AK5: variants seen among roughly 807,000 people sequenced by gnomAD.
The protein encoded by AK5 is adenylate kinase isoenzyme 5.
AK5 carries 27 observed loss-of-function variants against 69.5 expected under a neutral mutation model. That is an observed-to-expected ratio of 0.39 (90% CI 0.29 to 0.54). The LOEUF is 0.54. Among genes scored for constraint, AK5 ranks in the 20% least tolerant of loss-of-function variants. The pLI is 0.71. For synonymous variants in AK5, 260 were observed against 244.4 expected, an observed-to-expected ratio of 1.06 and a Z score of -0.60; for missense variants, 531 against 700.4, an observed-to-expected ratio of 0.76 and a Z score of 2.73.
At chr1:77,520,788 G>A (rs1236938067) in intron 11 of AK5, among the ~76,000 whole-genome samples, 1 of 152,166 alleles carries the variant, frequency 6.6e-6, no homozygotes, top group Non-Finnish European at 1.5e-5. Flanking sequence ...TCTATGGTCT[G>A]TCTTCTTCAT....
intron 6 of AK5, among the ~76,000 whole-genome samples, chr1:77,365,432 A>G (rs1646933839): frequency 6.6e-6 from 1 of 152,202 alleles, no homozygotes; most frequent in Admixed American, 6.5e-5. Context: ...ACTTTGTTTC[A>G]TCTTGAAGGA....
intron 6 of AK5, among the ~76,000 whole-genome samples, chr1:77,383,827 A>T (rs952972486): frequency 3.9e-5 from 6 of 152,172 alleles, no homozygotes; most frequent in African/African-American, 9.6e-5. Context: ...AAGAAAAATA[A>T]GCCACAATGA....
At chr1:77,554,924 T>A (rs1025370507) in intron 13 of AK5, among the ~76,000 whole-genome samples, 21 of 152,156 alleles carry the variant, frequency 1.4e-4, no homozygotes, top group African/African-American at 4.6e-4. Context: ...CCTCTGCGGT[T>A]ATTTTTGATG....
chr1:77,302,228 C>T (rs185897742), intron 5 of AK5, among the ~76,000 whole-genome samples: 1 of 152,130 alleles, frequency 6.6e-6, no homozygotes, highest in Admixed American at 6.5e-5. Context: ...AAAAAAAATG[C>T]CTTTTTTTGG....
At chr1:77,377,848 A>G (rs1395627493) in intron 6 of AK5, among the ~76,000 whole-genome samples, 1 of 152,132 alleles carries the variant, frequency 6.6e-6, no homozygotes, top group Non-Finnish European at 1.5e-5. Context: ...GCATCCCAGT[A>G]TACCTTTGCA....
intron 5 of AK5, among the ~76,000 whole-genome samples, chr1:77,300,113 A>T (rs1185065715): frequency 6.6e-6 from 1 of 152,110 alleles, no homozygotes; most frequent in African/African-American, 2.4e-5. Context: ...TACTCATGTG[A>T]CTTGCAGTAG....
intron 3 of AK5, among the ~76,000 whole-genome samples, chr1:77,296,199 T>C (rs1658993801): frequency 6.6e-6 from 1 of 152,256 alleles, no homozygotes; most frequent in South Asian, 2.1e-4. Context: ...GATGCCCACA[T>C]GGTTTCTCTT....
chr1:77,531,435 T>G (rs377131503), intron 12 of AK5, among the ~76,000 whole-genome samples: 1 of 152,270 alleles, frequency 6.6e-6, no homozygotes, highest in South Asian at 2.1e-4. Flanking sequence ...TTACAATCCC[T>G]GAGCTAGACA....
At chr1:77,513,548 A>C (rs1193149903) in intron 10 of AK5, among the ~76,000 whole-genome samples, 1 of 152,256 alleles carries the variant, frequency 6.6e-6, no homozygotes, top group Non-Finnish European at 1.5e-5. Context: ...TGTCAACAAA[A>C]GTCATTTTAG....
intron 8 of AK5, among the ~76,000 whole-genome samples, chr1:77,441,982 C>A (rs891289744): frequency 6.6e-6 from 1 of 152,048 alleles, no homozygotes; most frequent in Non-Finnish European, 1.5e-5. Flanking sequence ...GTGATTCTGC[C>A]CTGGGAGGCA....
chr1:77,508,599 G>A (rs1322619856), intron 10 of AK5, among the ~76,000 whole-genome samples: 1 of 152,148 alleles, frequency 6.6e-6, no homozygotes, highest in African/African-American at 2.4e-5. Context: ...GGGCACGGTG[G>A]CTCTCACCTG....
At chr1:77,287,575 A>C (rs1275025164) in intron 2 of AK5, among the ~76,000 whole-genome samples, 2 of 152,254 alleles carry the variant, frequency 1.3e-5, no homozygotes, top group Non-Finnish European at 2.9e-5. Context: ...GCATAAATGC[A>C]TGTAAAGTTT....
chr1:77,472,251 G>A (rs1286244155), intron 8 of AK5, among the ~76,000 whole-genome samples: 1 of 152,204 alleles, frequency 6.6e-6, no homozygotes, highest in East Asian at 1.9e-4. Context: ...ATGGGGCCCA[G>A]GCAGTTTCCC....
At chr1:77,519,199 C>T (rs189499055) in intron 11 of AK5, among the ~76,000 whole-genome samples, 8 of 152,292 alleles carry the variant, frequency 5.3e-5, no homozygotes, top group Non-Finnish European at 1.2e-4. Context: ...CACCATCCAT[C>T]TCTAAGAAGC....
At chr1:77,482,892 CAT>C (rs1570233992) in intron 8 of AK5, among the ~76,000 whole-genome samples, 1 of 150,852 alleles carries the variant, frequency 6.6e-6, no homozygotes, top group East Asian at 2.0e-4. Flanking sequence ...TGGAGTTACT[CAT>C]AAAACCGCTG....
intron 6 of AK5, among the ~76,000 whole-genome samples, chr1:77,389,063 C>T: frequency 6.6e-6 from 1 of 152,170 alleles, no homozygotes; most frequent in East Asian, 1.9e-4. Context: ...AAGCTTACAA[C>T]GTTGAGAATA....
intron 6 of AK5, among the ~76,000 whole-genome samples, chr1:77,407,656 G>T (rs1421095894): frequency 6.6e-6 from 1 of 151,752 alleles, no homozygotes; most frequent in Non-Finnish European, 1.5e-5. Flanking sequence ...TTTGATTTGG[G>T]GTACATGTGC....
chr1:77,498,149 T>A (rs753709046), intron 10 of AK5, among the ~76,000 whole-genome samples: 1 of 152,130 alleles, frequency 6.6e-6, no homozygotes, highest in Non-Finnish European at 1.5e-5. Flanking sequence ...GCAAATGGCA[T>A]CACAGCAGGC....
Position 77,482,332 on chromosome 1 carries a change from A to G in AK5, c.1060-985A>G, listed in dbSNP as rs1178763496. ...TTTTCTGAATTTTTTTCCAACCACC[A>G]TGGGCTACTCCATAAGGAATAGAGC... On this transcript the variant is annotated intron_variant, in intron 8 of 13. Transcript: ENST00000354567. Among the ~76,000 whole-genome samples, 4 of 152,312 alleles carry G rather than the reference A, an allele frequency of 2.6e-5. No homozygotes were observed. In the East Asian group the frequency reaches 7.7e-4, roughly 29 times the overall value.
Sources: gnomAD v4.1 joint callset for allele counts (sites outside exome capture counted in the v4.1 genomes callset) on GRCh38, gnomAD v4.1.1 for gene constraint, MANE v1.5 for transcripts, NCBI Gene and HGNC (gene_info 2026-07-23, HGNC 2026-07-21) for gene names.